CLSTN2: variants seen among roughly 807,000 people sequenced by gnomAD.
CLSTN2 encodes the protein calsyntenin-2.
In CLSTN2, 48 loss-of-function variants were observed where a neutral mutation model predicts 101.2. The ratio of observed to expected loss-of-function variants is 0.47; its 90% CI spans 0.38 to 0.60. The LOEUF (loss-of-function observed/expected upper bound fraction) is 0.60. Ranked by LOEUF, CLSTN2 falls within the 20% of genes least tolerant of loss-of-function variation. The probability of loss-of-function intolerance (pLI) is 0.00; values close to 1 mark genes in which losing one functional copy is unlikely to be tolerated. For missense variants in CLSTN2, 1,160 were observed against 1,238.2 expected, an observed-to-expected ratio of 0.94 and a Z score of 0.95; for synonymous variants, 481 against 463.6, an observed-to-expected ratio of 1.04 and a Z score of -0.48.
intron 1 of CLSTN2, among the ~76,000 whole-genome samples, chr3:139,970,171 A>G (rs1210003598): frequency 6.6e-6 from 1 of 152,112 alleles, no homozygotes; most frequent in Non-Finnish European, 1.5e-5. Context: ...GAATTTTTAA[A>G]AGCTGCTCAG....
chr3:140,317,812 C>A (rs928410045), intron 2 of CLSTN2, among the ~76,000 whole-genome samples: 3 of 152,170 alleles, frequency 2.0e-5, no homozygotes, highest in Non-Finnish European at 4.4e-5. Flanking sequence ...CCTCTCTGTG[C>A]CTCCCCCAGT....
intron 2 of CLSTN2, among the ~76,000 whole-genome samples, chr3:140,387,500 A>G (rs1200125610): frequency 1.3e-5 from 2 of 152,190 alleles, no homozygotes; most frequent in Admixed American, 6.5e-5. Flanking sequence ...GCTTGTTAAT[A>G]GTGTTTGTTG....
In CLSTN2 at chr3:140,569,464, TGGA is replaced by T. The variant is rs1463173884; in HGVS notation, c.*3216_*3218del. The T allele has an allele frequency of 2.0e-5, 3 of 152,200 alleles. No individual in the cohort carries two copies. Among genetic ancestry groups the T allele is most frequent in the African/African-American group, 7.2e-5 (3 of 41,450 alleles). The allele number at this position is 152,200 out of a possible 1,614,324, so 9.4% of individuals were successfully genotyped here. On this transcript the variant is annotated 3_prime_UTR_variant, in exon 17 of 17. Transcript: ENST00000458420. ...GATTCAGATGACATGGAGGAGAAGT[TGGA>T]GGAGAAGATTGAAATGCTTAAATCC...
chr3:140,203,854 G>A (rs1432203432), intron 2 of CLSTN2, among the ~76,000 whole-genome samples: 1 of 152,158 alleles, frequency 6.6e-6, no homozygotes, highest in Admixed American at 6.5e-5. Context: ...CCTGGAGCAT[G>A]GTAAGAAAAT....
Position 140,099,201 on chromosome 3 carries a change from C to T in CLSTN2, c.110-76750C>T, listed in dbSNP as rs989099538. ...GTCCTACTATATTAGCTTCCTAGGACTGCTGTAACAAATTACCAGGAACTG... is the reference window on the plus strand; with the variant it reads ...GTCCTACTATATTAGCTTCCTAGGATTGCTGTAACAAATTACCAGGAACTG... On this transcript the variant is annotated intron_variant, in intron 1 of 16. Transcript: ENST00000458420. Among the ~76,000 whole-genome samples the T allele has an allele frequency of 1.1e-4, 16 of 152,180 alleles. 1 individual carries two copies. Among genetic ancestry groups the T allele is most frequent in the Admixed American group, 3.3e-4 (5 of 15,274 alleles).
chr3:140,287,701 T>G (rs148467399), intron 2 of CLSTN2, among the ~76,000 whole-genome samples: 2,141 of 152,254 alleles, frequency 0.014, 61 homozygotes, highest in African/African-American at 0.049. Flanking sequence ...AGCCTAGTGA[T>G]GTAGGTATTG....
intron 2 of CLSTN2, among the ~76,000 whole-genome samples, chr3:140,307,999 TAATGTAAAGTTGG>T (rs2087131398): frequency 6.6e-6 from 1 of 152,202 alleles, no homozygotes; most frequent in Non-Finnish European, 1.5e-5. Flanking sequence ...TCGGCCTCAA[TAATGTAAAGTTGG>T]CTCATGAATG....
chr3:139,937,799 T>C (rs868204523), intron 1 of CLSTN2, among the ~76,000 whole-genome samples: 155 of 152,028 alleles, frequency 1.0e-3, no homozygotes, highest in African/African-American at 3.4e-3. Flanking sequence ...GGGTAAAAAG[T>C]TTATTGGCCC....
At chr3:140,562,335 C>A in intron 13 of CLSTN2, 27 bp downstream of exon 13, 2 of 1,595,032 alleles carry the variant, frequency 1.3e-6, no homozygotes, top group South Asian at 1.1e-5. Flanking sequence ...CCCCCTTTGC[C>A]CCAAGGGTGT....
chr3:140,115,966 G>A (rs2009234661), intron 1 of CLSTN2, among the ~76,000 whole-genome samples: 1 of 152,194 alleles, frequency 6.6e-6, no homozygotes, highest in Admixed American at 6.5e-5. Context: ...TGCTGGAAAT[G>A]TAGCCTGGGT....
chr3:140,173,303 T>A (rs770342398), intron 1 of CLSTN2, among the ~76,000 whole-genome samples: 5 of 152,230 alleles, frequency 3.3e-5, no homozygotes, highest in Admixed American at 6.5e-5. Flanking sequence ...TTTGACTCCA[T>A]GTCTCATATC....
intron 1 of CLSTN2, among the ~76,000 whole-genome samples, chr3:140,126,936 C>T (rs989585856): frequency 6.6e-6 from 1 of 150,596 alleles, no homozygotes; most frequent in Non-Finnish European, 1.5e-5. Context: ...GTGTTCCTGA[C>T]AATAGTTAAA....
chr3:140,153,440 G>A (rs748162029), intron 1 of CLSTN2, among the ~76,000 whole-genome samples: 6 of 152,274 alleles, frequency 3.9e-5, no homozygotes, highest in Non-Finnish European at 8.8e-5. Flanking sequence ...GCAGAGCAGG[G>A]CTTCCCCTCC....
intron 1 of CLSTN2, among the ~76,000 whole-genome samples, chr3:139,994,057 C>T (rs1468668064): frequency 1.3e-5 from 2 of 152,116 alleles, no homozygotes; most frequent in Admixed American, 6.5e-5. Flanking sequence ...CCCAGTGGAG[C>T]GCTGAGTTAA....
intron 4 of CLSTN2, among the ~76,000 whole-genome samples, chr3:140,415,486 C>CAAAAAAAAAAAAAAAAAAA (rs751616049): frequency 3.5e-3 from 199 of 56,828 alleles, no homozygotes; most frequent in Non-Finnish European, 3.8e-3. Flanking sequence ...CACAAAATAG[C>CAAAAAAAAAAAAAAAAAAA]AAAAAAAAAA....
At chr3:140,043,984 G>C (rs544611111) in intron 1 of CLSTN2, among the ~76,000 whole-genome samples, 5 of 152,240 alleles carry the variant, frequency 3.3e-5, no homozygotes, top group Non-Finnish European at 7.4e-5. Context: ...ATTCTTTTGG[G>C]TTAGGATTGT....
At chr3:140,229,719 C>A (rs1198068999) in intron 2 of CLSTN2, among the ~76,000 whole-genome samples, 1 of 152,048 alleles carries the variant, frequency 6.6e-6, no homozygotes, top group Non-Finnish European at 1.5e-5. Context: ...ACCTTCTCCA[C>A]ACATTCCTCT....
chr3:140,224,543 A>G (rs995278569), intron 2 of CLSTN2, among the ~76,000 whole-genome samples: 1 of 152,204 alleles, frequency 6.6e-6, no homozygotes, highest in African/African-American at 2.4e-5. Context: ...TGAAGCAAGC[A>G]GATCAAAGTC....
chr3:140,112,417 A>G (rs1478614532), intron 1 of CLSTN2, among the ~76,000 whole-genome samples: 1 of 152,034 alleles, frequency 6.6e-6, no homozygotes, highest in Non-Finnish European at 1.5e-5. Flanking sequence ...ATTTTCTGCC[A>G]TAGAATATGC....
Sources: allele counts gnomAD v4.1 joint callset (sites outside exome capture counted in the v4.1 genomes callset), GRCh38; gene constraint gnomAD v4.1.1; transcripts MANE v1.5; gene names NCBI Gene and HGNC (gene_info 2026-07-23, HGNC 2026-07-21).